Variants in OTUD7A observed in about 807,000 individuals in gnomAD.
OTUD7A encodes the protein OTU domain-containing protein 7A.
In OTUD7A, 12 loss-of-function variants were observed where a neutral mutation model predicts 65.7. The ratio of observed to expected loss-of-function variants is 0.18; its 90% CI spans 0.12 to 0.30. The LOEUF (loss-of-function observed/expected upper bound fraction) is 0.30. Ranked by LOEUF, OTUD7A falls within the 10% of genes least tolerant of loss-of-function variation. The pLI is 1.00. For synonymous variants in OTUD7A, 641 were observed against 586.3 expected, an observed-to-expected ratio of 1.09 and a Z score of -1.35; for missense variants, 1,148 against 1,304.8, an observed-to-expected ratio of 0.88 and a Z score of 1.85.
At chr15:31,549,677 G>T (rs1888254722) in intron 5 of OTUD7A, among the ~76,000 whole-genome samples, 1 of 152,122 alleles carries the variant, frequency 6.6e-6, no homozygotes, top group Non-Finnish European at 1.5e-5. Context: ...AATATAAAGG[G>T]AATACGGAAG....
At chr15:31,617,661 T>A (rs1376005170) in intron 3 of OTUD7A, among the ~76,000 whole-genome samples, 1 of 152,138 alleles carries the variant, frequency 6.6e-6, no homozygotes, top group Non-Finnish European at 1.5e-5. Context: ...TGACTGTAGT[T>A]CTAGTTACCT....
At chr15:31,726,916 G>A (rs1406574451) in intron 1 of OTUD7A, among the ~76,000 whole-genome samples, 1 of 152,166 alleles carries the variant, frequency 6.6e-6, no homozygotes, top group Non-Finnish European at 1.5e-5. Flanking sequence ...AAACACATGC[G>A]GCCTGCTTCA....
At chr15:31,846,746 C>T (rs182392629) in intron 1 of OTUD7A, among the ~76,000 whole-genome samples, 2 of 152,300 alleles carry the variant, frequency 1.3e-5, no homozygotes, top group Admixed American at 6.5e-5. Context: ...GAAATGATGT[C>T]CGTGACAAGA....
At chr15:31,516,662 C>T (rs1254444205) in intron 8 of OTUD7A, among the ~76,000 whole-genome samples, 13 of 152,310 alleles carry the variant, frequency 8.5e-5, no homozygotes, top group East Asian at 7.7e-4. Context: ...AACTTAGAGG[C>T]GACTCTCTGC....
At chr15:31,677,518 TG>T (rs1431191331) in intron 1 of OTUD7A, among the ~76,000 whole-genome samples, 1 of 151,862 alleles carries the variant, frequency 6.6e-6, no homozygotes, top group Non-Finnish European at 1.5e-5. Context: ...ATCATGGGGG[TG>T]GTTTCCCCCA....
At chr15:31,561,084 G>A (rs900402925) in intron 4 of OTUD7A, among the ~76,000 whole-genome samples, 10 of 152,216 alleles carry the variant, frequency 6.6e-5, no homozygotes, top group Admixed American at 1.3e-4. Flanking sequence ...ACTACATTTC[G>A]CAATGGGTGG....
At chr15:31,660,160 T>A (rs928311702) in intron 1 of OTUD7A, among the ~76,000 whole-genome samples, 2 of 152,034 alleles carry the variant, frequency 1.3e-5, no homozygotes, top group African/African-American at 4.8e-5. Flanking sequence ...GTTAAGGGGG[T>A]GAATGGTTAA....
At chr15:31,527,436 C>T in intron 6 of OTUD7A, 128 bp from the exon 7 acceptor site, 1 of 1,267,276 alleles carries the variant, frequency 7.9e-7, no homozygotes, top group African/African-American at 1.5e-5. Flanking sequence ...CCTCCTTACT[C>T]AGCGGTTCTG....
chr15:31,569,495 A>G (rs896546257), intron 4 of OTUD7A, among the ~76,000 whole-genome samples: 1 of 152,226 alleles, frequency 6.6e-6, no homozygotes, highest in Admixed American at 6.5e-5. Context: ...GACCACCAGA[A>G]TGTTATCAGC....
chr15:31,523,111 A>T (rs1277541540), intron 8 of OTUD7A, among the ~76,000 whole-genome samples: 1 of 152,180 alleles, frequency 6.6e-6, no homozygotes, highest in Admixed American at 6.5e-5. Flanking sequence ...CCCGGGTGGC[A>T]CCCTGGAAAT....
At position 31,740,545 on chromosome 15, in the gene OTUD7A, G is replaced by C. The variant is rs190094293; in HGVS notation, c.-99-83468C>G. ...GGTCTGGCGAGGACGGCTGCCGTGG[G>C]GGTGAGACAAAGTGGTGAATTCTCA... On this transcript the variant is annotated intron_variant, in intron 1 of 12. Coordinates refer to ENST00000307050, the MANE Select transcript of OTUD7A (RefSeq NM_001382637.1). Among the ~76,000 whole-genome samples, 1,383 of 152,228 alleles carry C rather than the reference G, an allele frequency of 9.1e-3. 12 individuals carry two copies. The highest frequency in any genetic ancestry group is 0.024 in the Middle Eastern group (7 of 294).
In OTUD7A at chr15:31,672,435, C is replaced by T. The variant is rs566432010; in HGVS notation, c.-99-15358G>A. Among the ~76,000 whole-genome samples the T allele has an allele frequency of 5.5e-4, 84 of 152,240 alleles. No homozygotes were observed. In the South Asian group the frequency reaches 0.012, roughly 22 times the overall value. ...AAGATTCTTCCCATGGGCCTAAATCCCCTATCTATCTCACTAAGGAAAATA... is the reference window on the plus strand; with the variant it reads ...AAGATTCTTCCCATGGGCCTAAATCTCCTATCTATCTCACTAAGGAAAATA... On this transcript the variant is annotated intron_variant, in intron 1 of 12. Coordinates refer to ENST00000307050, the MANE Select transcript of OTUD7A (RefSeq NM_001382637.1).
rs1194851192 is a variant in OTUD7A at position 31,477,696 on chromosome 15, C to A, written c.*5598G>T. On this transcript the variant is annotated 3_prime_UTR_variant, in exon 13 of 13. Coordinates refer to ENST00000307050, the MANE Select transcript of OTUD7A (RefSeq NM_001382637.1). ...TTTTTCAATAAATACTTATCCAGTG[C>A]CTAATATGTGTCAGGCACTGTTGTA... is the stretch of plus-strand genomic sequence containing the variant. 6.6e-6 allele frequency: 1 copy of A among 152,118 alleles called. No individual in the cohort carries two copies. Among genetic ancestry groups the A allele is most frequent in the Non-Finnish European group, 1.5e-5 (1 of 68,042 alleles). 9.4% of individuals were successfully genotyped at this position (152,118 alleles called of 1,614,324 possible). A position where few individuals can be genotyped will look rare whatever the true frequency, so the allele number is the denominator to read the frequency against.
intron 1 of OTUD7A, among the ~76,000 whole-genome samples, chr15:31,750,979 GA>G (rs769274166): frequency 3.7e-4 from 56 of 152,026 alleles, no homozygotes; most frequent in Non-Finnish European, 3.8e-4. Flanking sequence ...AATCCTAGAA[GA>G]AAACCTAGAA....
At chr15:31,769,087 T>C (rs561860914) in intron 1 of OTUD7A, among the ~76,000 whole-genome samples, 1 of 152,172 alleles carries the variant, frequency 6.6e-6, no homozygotes, top group East Asian at 1.9e-4. Flanking sequence ...AATTTAAAAA[T>C]AAGACTCAAC....
intron 5 of OTUD7A, among the ~76,000 whole-genome samples, chr15:31,538,353 G>A (rs1331951817): frequency 6.6e-6 from 1 of 152,210 alleles, no homozygotes; most frequent in Non-Finnish European, 1.5e-5. Context: ...CAGACTCTGA[G>A]TTGTGTGGGA....
At chr15:31,612,119 T>C (rs7175521) in intron 3 of OTUD7A, among the ~76,000 whole-genome samples, 43,538 of 151,952 alleles carry the variant, frequency 0.29, 7,345 homozygotes, top group African/African-American at 0.47. Flanking sequence ...TTAAAACTCT[T>C]GGCAAAATCA....
chr15:31,568,172 A>G (rs552002348), intron 4 of OTUD7A, among the ~76,000 whole-genome samples: 3 of 152,342 alleles, frequency 2.0e-5, no homozygotes, highest in African/African-American at 4.8e-5. Context: ...CACCTGGAAA[A>G]GCTGAAAGCA....
chr15:31,714,434 G>A (rs984610612), intron 1 of OTUD7A, among the ~76,000 whole-genome samples: 2 of 152,100 alleles, frequency 1.3e-5, no homozygotes, highest in African/African-American at 4.8e-5. Context: ...AGAAAGAATA[G>A]GGAGAAGGCT....
Sources: allele counts gnomAD v4.1 joint callset (sites outside exome capture counted in the v4.1 genomes callset), GRCh38; gene constraint gnomAD v4.1.1; transcripts MANE v1.5; gene names NCBI Gene and HGNC (gene_info 2026-07-23, HGNC 2026-07-21).